Variants in TRIM6 observed in about 807,000 individuals in gnomAD.
TRIM6 encodes the protein tripartite motif containing 6.
In TRIM6, 43 loss-of-function variants were observed where a neutral mutation model predicts 51.2. That is an observed-to-expected ratio of 0.84 (90% CI 0.66 to 1.08). TRIM6 has a LOEUF of 1.08. TRIM6 is among the 50% of genes least tolerant of loss of function. The pLI is 0.00. For synonymous variants in TRIM6, 215 were observed against 232.4 expected (o/e 0.93, Z 0.68); for missense variants, 669 against 619.0 (o/e 1.08, Z -0.86).
intron 1 of TRIM6, among the ~76,000 whole-genome samples, chr11:5,599,383 A>ATTTATTTATTTATTTATT (rs1847682513): frequency 1.4e-5 from 2 of 146,866 alleles, no homozygotes; most frequent in Non-Finnish European, 3.0e-5. Context: ...TACAATTATT[A>ATTTATTTATTTATTTATT]TATTTATTTA....
chr11:5,605,101 A>G, intron 3 of TRIM6: 3 of 564,530 alleles, frequency 5.3e-6, no homozygotes, highest in Non-Finnish European at 9.4e-6. Context: ...CAGGAATCAC[A>G]GTTGATGTCT....
chr11:5,599,077 G>A (rs2133812469), intron 1 of TRIM6, among the ~76,000 whole-genome samples: 1 of 152,248 alleles, frequency 6.6e-6, no homozygotes, highest in Admixed American at 6.5e-5. Context: ...TAAATTTGAT[G>A]TTTGGGTTCT....
Position 5,610,265 on chromosome 11 carries a change from A to G in TRIM6, c.958+20A>G. 6.2e-7 allele frequency: 1 copy of G among 1,613,952 alleles called. No homozygotes were observed. Among genetic ancestry groups the G allele is most frequent in the South Asian group, 1.1e-5 (1 of 91,080 alleles). On this transcript the variant is annotated intron_variant, in intron 6 of 7. Coordinates refer to ENST00000380097, the MANE Select transcript of TRIM6 (RefSeq NM_001003818.3). ...GTAGAGGTAAGGAGATTCAGGGGAA[A>G]GAGTTTGGATGTGAAATTACTGTCG...
At chr11:5,610,658 C>G in intron 7 of TRIM6, 97 bp downstream of exon 7, 1 of 1,566,092 alleles carries the variant, frequency 6.4e-7, no homozygotes. Context: ...GTGTTGATGC[C>G]TCCCCCATCC....
Position 5,603,230 on chromosome 11 carries a change from T to C in TRIM6, c.18-16T>C, listed in dbSNP as rs749353435. 8 of 1,604,958 alleles carry C rather than the reference T, an allele frequency of 5.0e-6. No individual in the cohort carries two copies. In the South Asian group the frequency reaches 8.9e-5, roughly 18 times the overall value. On this transcript the variant is annotated splice_polypyrimidine_tract_variant and intron_variant, in intron 1 of 7. Coordinates refer to ENST00000380097, the MANE Select transcript of TRIM6 (RefSeq NM_001003818.3). ...TTTCTTACCCTGATCCTTTTTTTGT[T>C]TGTTCATCTACCTAGGATTCTACAG...
At position 5,604,890 on chromosome 11, in the gene TRIM6, C is replaced by T; in HGVS notation, c.603+261C>T. On this transcript the variant is annotated intron_variant, in intron 3 of 7. Transcript: ENST00000380097. ...GTCGCCCCAATTCATAATTCTGGGT[C>T]TTGCTCTACAGTTTCAGTCTCTTTG... is the stretch of plus-strand genomic sequence containing the variant. The T allele has an allele frequency of 4.3e-6, 2 of 460,190 alleles. 1 individual carries two copies. Among genetic ancestry groups the T allele is most frequent in the South Asian group, 6.3e-5 (2 of 31,688 alleles). 28.5% of individuals were successfully genotyped at this position (460,190 alleles called of 1,614,324 possible). A position where few individuals can be genotyped will look rare whatever the true frequency, so the allele number is the denominator to read the frequency against.
At chr11:5,606,284 T>A (rs1420210015) in intron 4 of TRIM6, among the ~76,000 whole-genome samples, 1 of 152,188 alleles carries the variant, frequency 6.6e-6, no homozygotes. Context: ...CTGGTCTGTA[T>A]GTGTGTAGGT....
At chr11:5,596,137 C>G (rs552050907), upstream of TRIM6, 1 of 152,232 alleles carries the variant, frequency 6.6e-6, no homozygotes. Context: ...GTGGAGGACG[C>G]GGCTGCTTCA....
rs529045647 is a variant in TRIM6 at position 5,604,685 on chromosome 11, G to A, written c.603+56G>A. On this transcript the variant is annotated intron_variant, in intron 3 of 7. Transcript: ENST00000380097. The stretch of plus-strand genomic sequence containing the variant: ...GGGCAGGAATCATGGCAGGTCATAG[G>A]AGCTGAGGGCAAAGGAGTCCTTGTC... 2.4e-5 allele frequency: 38 copies of A among 1,571,672 alleles called. No homozygotes were observed. In the South Asian group the frequency reaches 4.2e-4, roughly 17 times the overall value.
In TRIM6 at chr11:5,610,604, C is replaced by A. The variant is rs368085135; in HGVS notation, c.985+43C>A. Reference sequence around the variant, plus strand: ...CCTCTTTGGGCTGGCACATTCTGATCTCCTTTCACATGCCCTCCCCAGACA... The same window carrying A: ...CCTCTTTGGGCTGGCACATTCTGATATCCTTTCACATGCCCTCCCCAGACA... On this transcript the variant is annotated intron_variant, in intron 7 of 7. Coordinates refer to ENST00000380097, the MANE Select transcript of TRIM6 (RefSeq NM_001003818.3). 16 of 1,600,154 alleles carry A rather than the reference C, an allele frequency of 1.0e-5. No individual in the cohort carries two copies. In the African/African-American group the frequency reaches 2.0e-4, roughly 20 times the overall value.
In TRIM6 at chr11:5,608,407, A is replaced by T; in HGVS notation, c.857+13A>T. 1 of 1,613,572 alleles carries T rather than the reference A, an allele frequency of 6.2e-7. No individual in the cohort carries two copies. The highest frequency in any genetic ancestry group is 1.3e-5 in the African/African-American group (1 of 75,028). ...ATGTCACAGAAAGGTATGTGTAAGG[A>T]GAACATGAGGTAGTTCCCCTGGACT... On this transcript the variant is annotated intron_variant, in intron 5 of 7. Coordinates refer to ENST00000380097, the MANE Select transcript of TRIM6 (RefSeq NM_001003818.3).
chr11:5,596,471 G>C (rs923743822), upstream of TRIM6, among the ~76,000 whole-genome samples: 3 of 147,508 alleles, frequency 2.0e-5, no homozygotes, highest in Admixed American at 1.4e-4. Flanking sequence ...CATTTTGTCA[G>C]GCGTGGATTC....
Position 5,612,093 on chromosome 11 carries a change from C to T in TRIM6, c.*751C>T, listed in dbSNP as rs1848601302. On this transcript the variant is annotated 3_prime_UTR_variant, in exon 8 of 8. Coordinates refer to ENST00000380097, the MANE Select transcript of TRIM6 (RefSeq NM_001003818.3). ...TTTGTTACCACAACTTGCTGAAATA[C>T]ACCATTATTATTTGTTGTATGCAAT... 3 of 152,140 alleles carry T rather than the reference C, an allele frequency of 2.0e-5. No homozygotes were observed. The allele number at this position is 152,140 out of a possible 1,614,324, so 9.4% of individuals were successfully genotyped here. A position where few individuals can be genotyped will look rare whatever the true frequency, so the allele number is the denominator to read the frequency against.
rs2133801869 is a variant in TRIM6 at position 5,596,715 on chromosome 11, G to T, written c.-183G>T. 1.1e-6 allele frequency: 1 copy of T among 884,238 alleles called. No individual in the cohort carries two copies. Among genetic ancestry groups the T allele is most frequent in the Non-Finnish European group, 1.7e-6 (1 of 572,938 alleles). The allele number at this position is 884,238 out of a possible 1,614,324, so 54.8% of individuals were successfully genotyped here. On this transcript the variant is annotated 5_prime_UTR_variant, in exon 1 of 8. An upstream open reading frame in the 5' UTR gains an earlier in-frame stop. Coordinates refer to ENST00000380097, the MANE Select transcript of TRIM6 (RefSeq NM_001003818.3). ...GTTCAACGGCCAAAGGCTGGCGGAGGAGGGATCCCCTGCCTTTCTCGGAAC... is the reference window on the plus strand; with the variant it reads ...GTTCAACGGCCAAAGGCTGGCGGAGTAGGGATCCCCTGCCTTTCTCGGAAC...
At chr11:5,608,847 AT>A (rs370630648) in intron 5 of TRIM6, among the ~76,000 whole-genome samples, 1,535 of 101,842 alleles carry the variant, frequency 0.015, 22 homozygotes, top group African/African-American at 0.057. Context: ...TTGCCCATAA[AT>A]TTTTTTTTTT....
At chr11:5,603,813 AATCTCTTT>A in intron 2 of TRIM6, 78 bp downstream of exon 2, 1 of 1,541,168 alleles carries the variant, frequency 6.5e-7, no homozygotes, top group Non-Finnish European at 8.7e-7. Context: ...GCTCTGATCT[AATCTCTTT>A]GTAGTCTTTA....
At chr11:5,603,822 GTAGTCTTTAT>G in intron 2 of TRIM6, 87 bp downstream of exon 2, 1 of 1,511,048 alleles carries the variant, frequency 6.6e-7, no homozygotes, top group Non-Finnish European at 8.8e-7. Flanking sequence ...TAATCTCTTT[GTAGTCTTTAT>G]TTACCTAGAG....
rs1363105687 is a variant in TRIM6, at chr11:5,611,169, C to T, written c.1378C>T (p.Arg460Cys). Residue 460 changes from arginine (R) to cysteine (C), a missense_variant, in exon 8 of 8, where the codon CGT (arginine) becomes TGT (cysteine). Physicochemically the swap from Arg to Cys is radical, Grantham distance 180. Transcript: ENST00000380097. ...LLLSMTVPPR[R>C]VGVFLDYEAG... is the part of the protein sequence containing the mutation. ...TCTCTCCATGACAGTGCCCCCTCGC[C>T]GTGTTGGGGTTTTCTTAGATTATGA... 27 of 1,614,110 alleles carry T rather than the reference C, an allele frequency of 1.7e-5. No individual in the cohort carries two copies. Among genetic ancestry groups the T allele is most frequent in the East Asian group, 2.2e-5 (1 of 44,874 alleles).
intron 1 of TRIM6, among the ~76,000 whole-genome samples, chr11:5,599,125 ATATT>A (rs1189836278): frequency 3.3e-5 from 5 of 152,170 alleles, no homozygotes; most frequent in African/African-American, 1.2e-4. Context: ...CTTGTTGTAT[ATATT>A]AACAGTTTAA....
Sources: allele counts gnomAD v4.1 joint callset (sites outside exome capture counted in the v4.1 genomes callset), GRCh38; gene constraint gnomAD v4.1.1; transcripts MANE v1.5; gene names NCBI Gene and HGNC (gene_info 2026-07-23, HGNC 2026-07-21).